Variants in SPOPL observed in about 807,000 individuals in gnomAD.
The protein encoded by SPOPL is speckle type BTB/POZ protein like, also known as speckle-type POZ protein-like.
SPOPL carries 23 observed loss-of-function variants against 53.8 expected under a neutral mutation model. That is an observed-to-expected ratio of 0.43 (90% confidence interval 0.31 to 0.61). SPOPL has a LOEUF of 0.61. Among genes scored for constraint, SPOPL ranks in the 20% least tolerant of loss-of-function variants. SPOPL has a pLI of 0.12. For missense variants in SPOPL, 442 were observed against 466.9 expected, an observed-to-expected ratio of 0.95 and a Z score of 0.49; for synonymous variants, 164 against 149.7, an observed-to-expected ratio of 1.10 and a Z score of -0.70.
chr2:138,532,688 C>A (rs530653969), intron 1 of SPOPL, among the ~76,000 whole-genome samples: 3 of 150,430 alleles, frequency 2.0e-5, no homozygotes, highest in Non-Finnish European at 4.4e-5. Context: ...GTGATCTGCC[C>A]GCCTCGGCCT....
At position 138,571,264 on chromosome 2, in the gene SPOPL, A is replaced by T. The variant is rs754891593; in HGVS notation, c.*2184A>T. On this transcript the variant is annotated 3_prime_UTR_variant, in exon 11 of 11. Transcript: ENST00000280098. ...ATGCGCACCACACCGGCACATTGTG[A>T]TTTAATTCACCGCTTGAATCTATAT... is the stretch of plus-strand genomic sequence containing the variant. The T allele has an allele frequency of 6.6e-6, 1 of 152,502 alleles. No individual in the cohort carries two copies. Among genetic ancestry groups the T allele is most frequent in the Non-Finnish European group, 1.5e-5 (1 of 68,012 alleles). The allele number at this position is 152,502 out of a possible 1,614,324, so 9.4% of individuals were successfully genotyped here. A position where few individuals can be genotyped will look rare whatever the true frequency, so the allele number is the denominator to read the frequency against.
At chr2:138,529,519 T>C (rs1176585071) in intron 1 of SPOPL, among the ~76,000 whole-genome samples, 5 of 147,886 alleles carry the variant, frequency 3.4e-5, no homozygotes, top group African/African-American at 1.0e-4. Context: ...TGTGTGTGTG[T>C]GTGTGTGTGT....
chr2:138,526,866 A>G (rs189339113), intron 1 of SPOPL, among the ~76,000 whole-genome samples: 2 of 152,084 alleles, frequency 1.3e-5, no homozygotes, highest in Admixed American at 6.6e-5. Flanking sequence ...AGCTGGGACT[A>G]CAGCACCTGC....
intron 1 of SPOPL, among the ~76,000 whole-genome samples, chr2:138,524,870 T>G (rs1422956699): frequency 6.6e-6 from 1 of 152,218 alleles, no homozygotes; most frequent in African/African-American, 2.4e-5. Context: ...TCCTGTCTCC[T>G]TCTGAGCCCT....
At position 138,571,634 on chromosome 2, in the gene SPOPL, C is replaced by T. The variant is rs1685783618; in HGVS notation, c.*2554C>T. ...TCTGACATGAGTGCTCTAATAGCCT[C>T]CTTCTCCTCATTTTTAAACTGCATA... On this transcript the variant is annotated 3_prime_UTR_variant, in exon 11 of 11. Coordinates refer to ENST00000280098, the MANE Select transcript of SPOPL (RefSeq NM_001001664.3). The T allele has an allele frequency of 6.6e-6, 1 of 152,446 alleles. No homozygotes were observed. The highest frequency in any genetic ancestry group is 1.5e-5 in the Non-Finnish European group (1 of 67,992). 9.4% of individuals were successfully genotyped at this position (152,446 alleles called of 1,614,324 possible). A position where few individuals can be genotyped will look rare whatever the true frequency, so the allele number is the denominator to read the frequency against.
At chr2:138,510,165 G>A (rs1303783462) in intron 1 of SPOPL, among the ~76,000 whole-genome samples, 1 of 152,180 alleles carries the variant, frequency 6.6e-6, no homozygotes, top group Non-Finnish European at 1.5e-5. Flanking sequence ...CAGATTATGA[G>A]TAAAGCTGCT....
At chr2:138,554,066 CTTT>C (rs70978299) in intron 5 of SPOPL, among the ~76,000 whole-genome samples, 98 of 126,624 alleles carry the variant, frequency 7.7e-4, no homozygotes, top group East Asian at 1.2e-3. Flanking sequence ...TAGAAAATAC[CTTT>C]TTTTTTTTTT....
intron 1 of SPOPL, among the ~76,000 whole-genome samples, chr2:138,535,234 A>T (rs1383982721): frequency 6.6e-6 from 1 of 152,224 alleles, no homozygotes; most frequent in Non-Finnish European, 1.5e-5. Context: ...TGCTTGATGA[A>T]CATTTGGATT....
At chr2:138,544,627 T>C (rs1362920846) in intron 1 of SPOPL, among the ~76,000 whole-genome samples, 1 of 152,212 alleles carries the variant, frequency 6.6e-6, no homozygotes, top group Non-Finnish European at 1.5e-5. Context: ...CCAGGTGCCC[T>C]CTGTCACCCC....
In SPOPL at chr2:138,559,302, G is replaced by T; in HGVS notation, c.679G>T (p.Ala227Ser). The part of the protein sequence containing the change: ...VLAARSPVFN[A>S]MFEHEMEESK... ...TACAGCTCGATCTCCAGTTTTTAAC[G>T]CCATGTTTGAACATGAAATGGAAGA... The change falls in exon 7 of 11, where the codon GCC becomes TCC. Residue 227 changes from alanine to serine, a missense_variant. Coordinates refer to ENST00000280098, the MANE Select transcript of SPOPL (RefSeq NM_001001664.3). 1.2e-6 allele frequency: 2 copies of T among 1,612,508 alleles called. No individual in the cohort carries two copies. Among genetic ancestry groups the T allele is most frequent in the Non-Finnish European group, 1.7e-6 (2 of 1,179,440 alleles).
At chr2:138,549,837 G>A (rs1431141952) in intron 1 of SPOPL, among the ~76,000 whole-genome samples, 1 of 152,020 alleles carries the variant, frequency 6.6e-6, no homozygotes, top group East Asian at 1.9e-4. Flanking sequence ...ATTAACTGAT[G>A]TCATTATGTT....
chr2:138,521,676 A>G (rs1684561774), intron 1 of SPOPL, among the ~76,000 whole-genome samples: 1 of 152,174 alleles, frequency 6.6e-6, no homozygotes, highest in Non-Finnish European at 1.5e-5. Flanking sequence ...TATCAAGTAG[A>G]AAAAGAGTTG....
At chr2:138,518,387 TCTCCTGTAATA>T (rs1396442750) in intron 1 of SPOPL, among the ~76,000 whole-genome samples, 3 of 152,210 alleles carry the variant, frequency 2.0e-5, no homozygotes, top group African/African-American at 7.2e-5. Context: ...ATAGACCTTA[TCTCCTGTAATA>T]CTCCTGTAAT....
At chr2:138,522,666 C>T (rs566268563) in intron 1 of SPOPL, among the ~76,000 whole-genome samples, 198 of 152,318 alleles carry the variant, frequency 1.3e-3, no homozygotes, top group Non-Finnish European at 2.0e-3. Flanking sequence ...TAACCACCCC[C>T]TCTTCTTGCC....
intron 1 of SPOPL, among the ~76,000 whole-genome samples, chr2:138,539,395 A>G (rs962874497): frequency 1.9e-4 from 29 of 152,204 alleles, no homozygotes; most frequent in Admixed American, 1.4e-3. Flanking sequence ...ATTTCTCCAC[A>G]TCCTCTCCAG....
intron 8 of SPOPL, among the ~76,000 whole-genome samples, chr2:138,563,039 G>A (rs928859446): frequency 6.6e-6 from 1 of 152,036 alleles, no homozygotes; most frequent in Non-Finnish European, 1.5e-5. Flanking sequence ...GATATCTAAT[G>A]AACAACTTTT....
intron 1 of SPOPL, among the ~76,000 whole-genome samples, chr2:138,536,726 G>T (rs563460512): frequency 6.6e-6 from 1 of 151,872 alleles, no homozygotes; most frequent in African/African-American, 2.4e-5. Flanking sequence ...CTTCTCATTT[G>T]CCTCTCACAG....
At position 138,572,395 on chromosome 2, in the gene SPOPL, A is replaced by G. The variant is rs1461472443; in HGVS notation, c.*3315A>G. ...CAAAATTAGAATTAATAATATACCC[A>G]TTTAAATTTTGTTCATAAATTTAAA... On this transcript the variant is annotated 3_prime_UTR_variant, in exon 11 of 11. Coordinates refer to ENST00000280098, the MANE Select transcript of SPOPL (RefSeq NM_001001664.3). 3.3e-5 allele frequency: 5 copies of G among 152,478 alleles called. No homozygotes were observed. The highest frequency in any genetic ancestry group is 2.0e-4 in the Admixed American group (3 of 15,288). The allele number at this position is 152,478 out of a possible 1,614,324, so 9.4% of individuals were successfully genotyped here.
intron 1 of SPOPL, among the ~76,000 whole-genome samples, chr2:138,514,505 A>T (rs1684397458): frequency 6.6e-6 from 1 of 152,162 alleles, no homozygotes; most frequent in Admixed American, 6.5e-5. Context: ...CCTTTCACAG[A>T]TTCAAGCATG....
Sources: allele counts gnomAD v4.1 joint callset (sites outside exome capture counted in the v4.1 genomes callset), GRCh38; gene constraint gnomAD v4.1.1; transcripts MANE v1.5; gene names NCBI Gene and HGNC (gene_info 2026-07-23, HGNC 2026-07-21).